The following AARS2 variants were observed in gnomAD, a reference collection of about 807,000 sequenced individuals.
AARS2 encodes alanine--tRNA ligase, mitochondrial.
Under a neutral mutation model 119.7 loss-of-function variants are expected in AARS2, and 78 were observed. That is an observed-to-expected ratio of 0.65 (90% CI 0.54 to 0.79). The LOEUF is 0.79. Ranked by LOEUF, AARS2 falls within the 30% of genes least tolerant of loss-of-function variation. The probability of loss-of-function intolerance (pLI) is 0.00; values close to 1 mark genes in which losing one functional copy is unlikely to be tolerated. For missense variants in AARS2, 1,157 were observed against 1,291.3 expected, an observed-to-expected ratio of 0.90 and a Z score of 1.59; for synonymous variants, 502 against 526.3, an observed-to-expected ratio of 0.95 and a Z score of 0.63.
chr6:44,300,364 T>A lies in AARS2; in HGVS notation c.*183A>T. ...AGGGGGTGTGTGTCTTTGGGCCCAG[T>A]TCTGCCTTCCCTAGCCCATGTCTCC... On this transcript the variant is annotated 3_prime_UTR_variant, in exon 22 of 22. Transcript: ENST00000244571. The A allele has an allele frequency of 1.3e-6, 1 of 788,310 alleles. No homozygotes were observed. Among genetic ancestry groups the A allele is most frequent in the East Asian group, 2.5e-5 (1 of 40,228 alleles). The allele number at this position is 788,310 out of a possible 1,614,324, so 48.8% of individuals were successfully genotyped here.
chr6:44,307,037 G>C lies in AARS2; in HGVS notation c.1041-6C>G. The stretch of plus-strand genomic sequence containing the variant: ...GGATCCGACGAAGAACCAGCCTAAA[G>C]GGGTTCAGAGCCCAGACATGAATCC... On this transcript the variant is annotated splice_region_variant and splice_polypyrimidine_tract_variant and intron_variant, in intron 6 of 21. Coordinates refer to ENST00000244571, the MANE Select transcript of AARS2 (RefSeq NM_020745.4). The surrounding 1 kb of genome is among the most constrained non-coding windows in gnomAD (Gnocchi z 4.4). The C allele has an allele frequency of 1.9e-6, 3 of 1,614,058 alleles. No individual in the cohort carries two copies. Among genetic ancestry groups the C allele is most frequent in the Non-Finnish European group, 2.5e-6 (3 of 1,179,968 alleles).
intron 21 of AARS2, 67 bp downstream of exon 21, chr6:44,301,088 TA>T: frequency 7.0e-7 from 1 of 1,434,894 alleles, no homozygotes; most frequent in Non-Finnish European, 9.7e-7. Context: ...ATTAAAGGTG[TA>T]AAATCAGAGA....
chr6:44,310,351 T>C lies in AARS2; in HGVS notation c.842A>G (p.His281Arg), dbSNP rs766864708. The C allele has an allele frequency of 1.2e-6, 2 of 1,613,124 alleles. No homozygotes were observed. The highest frequency in any genetic ancestry group is 2.2e-5 in the South Asian group (2 of 90,828). ...AAAGAGGTCAGTGTCATAGGTGGAGTGTTTGCCTTGCAGCACAGCCACCAG... is the reference window on the plus strand; with the variant it reads ...AAAGAGGTCAGTGTCATAGGTGGAGCGTTTGCCTTGCAGCACAGCCACCAG... ...ERLVAVLQGK[H>R]STYDTDLFSP... Residue 281 changes from histidine (H) to arginine (R), a missense_variant, in exon 5 of 22, where the codon CAC (histidine) becomes CGC (arginine). By Grantham distance (29) the His-to-Arg change is conservative. Coordinates refer to ENST00000244571, the MANE Select transcript of AARS2 (RefSeq NM_020745.4).
At position 44,310,310 on chromosome 6, in the gene AARS2, C is replaced by A. The variant is rs1242510293; in HGVS notation, c.883G>T (p.Ala295Ser). The A allele has an allele frequency of 7.5e-6, 12 of 1,600,890 alleles. No homozygotes were observed. The Admixed American group carries it at 1.4e-4, about 19-fold the overall frequency. The stretch of plus-strand genomic sequence containing the variant: ...GAAGAGGCACTCACCTGCTGTATGG[C>A]GTTGAGCAGCGGGGAAAAGAGGTCA... Reference protein sequence around the residue: ...DTDLFSPLLNAIQQGCRAPPY... With the variant: ...DTDLFSPLLNSIQQGCRAPPY... The change falls in exon 5 of 22, where the codon GCC becomes TCC. Residue 295 changes from alanine to serine, a missense_variant. Physicochemically the swap from Ala to Ser is moderately conservative, Grantham distance 99. Coordinates refer to ENST00000244571, the MANE Select transcript of AARS2 (RefSeq NM_020745.4).
In AARS2 at chr6:44,313,089, T is replaced by C; in HGVS notation, c.235A>G (p.Met79Val). 6.2e-7 allele frequency: 1 copy of C among 1,613,458 alleles called. No homozygotes were observed. Among genetic ancestry groups the C allele is most frequent in the South Asian group, 1.1e-5 (1 of 91,032 alleles). The change falls in exon 1 of 22, where the codon ATG (methionine) becomes GTG (valine). Residue 79 changes from methionine to valine, a missense_variant. Met to Val is a conservative substitution (Grantham distance 21). Coordinates refer to ENST00000244571, the MANE Select transcript of AARS2 (RefSeq NM_020745.4). ...TATGGTTCGGCCCTCACCTGGTTCATGCCCGCATTGACAAAAAGCAAACTG... is the reference window on the plus strand; with the variant it reads ...TATGGTTCGGCCCTCACCTGGTTCACGCCCGCATTGACAAAAAGCAAACTG... The part of the protein sequence containing the change: ...DPSLLFVNAG[M>V]NQFKPIFLGT...
chr6:44,310,434 A>T lies in AARS2; in HGVS notation c.759T>A (p.Asp253Glu). 1 of 1,613,656 alleles carries T rather than the reference A, an allele frequency of 6.2e-7. No homozygotes were observed. Among genetic ancestry groups the T allele is most frequent in the Non-Finnish European group, 8.5e-7 (1 of 1,179,916 alleles). ...LVFMQHNREA[D>E]GSLQPLPQRH... ...GCTGGGGCAGGGGCTGCAGGCTTCCATCTGCCTCTCTGGCCAGGGAAGGTG... is the reference window on the plus strand; with the variant it reads ...GCTGGGGCAGGGGCTGCAGGCTTCCTTCTGCCTCTCTGGCCAGGGAAGGTG... The change falls in exon 5 of 22, where the codon GAT becomes GAA. Residue 253 changes from aspartate (D) to glutamate (E), a missense_variant. By Grantham distance (45) the Asp-to-Glu change is conservative (BLOSUM62 2). Transcript: ENST00000244571.
chr6:44,307,346 C>A lies in AARS2; in HGVS notation c.943G>T (p.Gly315Trp). 6 of 1,611,540 alleles carry A rather than the reference C, an allele frequency of 3.7e-6. No homozygotes were observed. The highest frequency in any genetic ancestry group is 5.1e-6 in the Non-Finnish European group (6 of 1,179,014). The change falls in exon 6 of 22, where the codon GGG (glycine) becomes TGG (tryptophan). Residue 315 changes from glycine to tryptophan, a missense_variant. Transcript: ENST00000244571. The surrounding 1 kb of genome is among the most constrained non-coding windows in gnomAD (Gnocchi z 4.4). ...ACGCGGTACGCTGTGTCTGTGCGCC[C>A]CTCGTCTGCCACCCCTACTCGGCCC... ...YLGRVGVADE[G>W]RTDTAYRVVA...
At chr6:44,304,035 A>G in intron 14 of AARS2, 146 bp downstream of exon 14, 1 of 1,198,690 alleles carries the variant, frequency 8.3e-7, no homozygotes, top group Non-Finnish European at 1.2e-6. Context: ...GCCCAAGGGG[A>G]AAGGACTTGC....
chr6:44,305,786 G>T lies in AARS2; in HGVS notation c.1301C>A (p.Ala434Asp). Residue 434 changes from alanine to aspartate, a missense_variant and splice_region_variant, in exon 10 of 22, where the codon GCT (alanine) becomes GAT (aspartate). Transcript: ENST00000244571. This position sits in a 1 kb window ranked among gnomAD's most constrained non-coding sequence, Gnocchi z 4.6. ...RTLGPSDMFP[A>D]EVAWSLSLCG... ...CAGTGACAAGGACCAGGCCACTTCA[G>T]CTTTGAGAAAGAAAGACAAAGAATG... The T allele has an allele frequency of 6.2e-7, 1 of 1,614,126 alleles. No individual in the cohort carries two copies. Among genetic ancestry groups the T allele is most frequent in the Non-Finnish European group, 8.5e-7 (1 of 1,179,978 alleles).
Position 44,313,068 on chromosome 6 carries a change from G to A in AARS2, c.243+13C>T, listed in dbSNP as rs765718497. On this transcript the variant is annotated intron_variant, in intron 1 of 21. Transcript: ENST00000244571. ...ACGAACTCCGCTCCCTATCAGTATGGTTCGGCCCTCACCTGGTTCATGCCC... is the reference window on the plus strand; with the variant it reads ...ACGAACTCCGCTCCCTATCAGTATGATTCGGCCCTCACCTGGTTCATGCCC... 6.2e-7 allele frequency: 1 copy of A among 1,612,890 alleles called. No homozygotes were observed. The highest frequency in any genetic ancestry group is 1.7e-5 in the Admixed American group (1 of 59,984).
chr6:44,305,312 T>C lies in AARS2; in HGVS notation c.1435-114A>G. On this transcript the variant is annotated intron_variant, in intron 10 of 21. Transcript: ENST00000244571. This position sits in a 1 kb window ranked among gnomAD's most constrained non-coding sequence, Gnocchi z 4.6. ...ACACAGCTGTGGACTCTGCAGCCCT[T>C]CTGGAATAAGAACTCAGGGCTTGGC... The C allele has an allele frequency of 6.7e-7, 1 of 1,496,470 alleles. No homozygotes were observed. The highest frequency in any genetic ancestry group is 9.1e-7 in the Non-Finnish European group (1 of 1,093,086). The allele number at this position is 1,496,470 out of a possible 1,614,324, so 92.7% of individuals were successfully genotyped here.
In AARS2 at chr6:44,313,088, A is replaced by T. The variant is rs767082454; in HGVS notation, c.236T>A (p.Met79Lys). The change falls in exon 1 of 22, where the codon ATG (methionine) becomes AAG (lysine). Residue 79 changes from methionine (M) to lysine (K), a missense_variant. Transcript: ENST00000244571. The stretch of plus-strand genomic sequence containing the variant: ...GTATGGTTCGGCCCTCACCTGGTTC[A>T]TGCCCGCATTGACAAAAAGCAAACT... ...DPSLLFVNAG[M>K]NQFKPIFLGT... The T allele has an allele frequency of 6.2e-7, 1 of 1,613,476 alleles. No individual in the cohort carries two copies. The highest frequency in any genetic ancestry group is 8.5e-7 in the Non-Finnish European group (1 of 1,179,954).
chr6:44,308,180 C>T (rs1409873808), intron 5 of AARS2, among the ~76,000 whole-genome samples: 1 of 152,190 alleles, frequency 6.6e-6, no homozygotes, highest in African/African-American at 2.4e-5. Context: ...CAACTGATTC[C>T]TAAGTTTCTG....
rs1002993835 is a variant in AARS2 at position 44,301,409 on chromosome 6, A to C, written c.2654T>G (p.Val885Gly). Residue 885 changes from valine to glycine, a missense_variant, in exon 20 of 22, where the codon GTG becomes GGG. Transcript: ENST00000244571. ...LERHSKGPLI[V>G]DTVSAESLSV... The stretch of plus-strand genomic sequence containing the variant: ...GAGAGACTCAGCAGAGACTGTGTCC[A>C]CAATCAGAGGCCCCTTCGAGTGCCG... The C allele has an allele frequency of 2.5e-6, 4 of 1,613,844 alleles. No individual in the cohort carries two copies. The highest frequency in any genetic ancestry group is 3.4e-6 in the Non-Finnish European group (4 of 1,180,028).
rs1561940985 is a variant in AARS2 at position 44,306,882 on chromosome 6, G to A, written c.1149+41C>T. ...GGCTCAGTGGTAGGCTCCCCAAAGT[G>A]CCCAGGGAGGCCCAGAGTGAAAAAG... On this transcript the variant is annotated intron_variant, in intron 7 of 21. Transcript: ENST00000244571. 3.2e-6 allele frequency: 5 copies of A among 1,583,304 alleles called. No homozygotes were observed. In the East Asian group the frequency reaches 8.9e-5, roughly 28 times the overall value.
chr6:44,306,981 A>T lies in AARS2; in HGVS notation c.1091T>A (p.Ile364Asn), dbSNP rs1276070021. 6.2e-7 allele frequency: 1 copy of T among 1,613,848 alleles called. No individual in the cohort carries two copies. Among genetic ancestry groups the T allele is most frequent in the African/African-American group, 1.3e-5 (1 of 74,858 alleles). Residue 364 changes from isoleucine to asparagine, a missense_variant, in exon 7 of 22, where the codon ATC becomes AAC. By Grantham distance (149) the Ile-to-Asn change is moderately radical. Transcript: ENST00000244571. ...LRRAVRFSME[I>N]LKAPPGFLGS... ...TAGGAAGCCAGGTGGTGCCTTTAAG[A>T]TCTCCATGGAGAAACGCACAGCTCG...
Position 44,304,635 on chromosome 6 carries a change from GGA to G in AARS2, c.1752+8_1752+9del, listed in dbSNP as rs764521639. On this transcript the variant is annotated splice_region_variant and intron_variant, in intron 12 of 21. Coordinates refer to ENST00000244571, the MANE Select transcript of AARS2 (RefSeq NM_020745.4). ...CACAGAAATCAGCCTGGGTTGTGAT[GGA>G]GACTCACCTCTTGCCCTGCCCGCAC... is the stretch of plus-strand genomic sequence containing the variant. 2.6e-5 allele frequency: 42 copies of G among 1,614,078 alleles called. 1 individual carries two copies. The South Asian group carries it at 3.0e-4, about 11-fold the overall frequency.
chr6:44,303,689 T>A (rs1359954695), intron 14 of AARS2, among the ~76,000 whole-genome samples: 1 of 152,174 alleles, frequency 6.6e-6, no homozygotes, highest in Non-Finnish European at 1.5e-5. Flanking sequence ...TGTATCCACA[T>A]GGAGCTTACA....
chr6:44,300,864 T>A (rs1238221654), intron 21 of AARS2, 153 bp from the exon 22 acceptor site: 1 of 1,031,088 alleles, frequency 9.7e-7, no homozygotes, highest in Non-Finnish European at 1.4e-6. Flanking sequence ...CGGAGAAGGT[T>A]TGGGCTGGAA....
Sources: gnomAD v4.1 joint callset for allele counts (sites outside exome capture counted in the v4.1 genomes callset) on GRCh38, gnomAD v4.1.1 for gene constraint, Gnocchi (gnomAD v3.1) non-coding constraint, MANE v1.5 for transcripts, NCBI Gene and HGNC (gene_info 2026-07-23, HGNC 2026-07-21) for gene names.